Variants in RNF144A observed in about 807,000 individuals in gnomAD.
RNF144A encodes the protein E3 ubiquitin-protein ligase RNF144A.
RNF144A carries 11 observed loss-of-function variants against 38.7 expected under a neutral mutation model. That is an observed-to-expected ratio of 0.28 (90% CI 0.18 to 0.47). RNF144A has a LOEUF of 0.47. Ranked by LOEUF, RNF144A falls within the 20% of genes least tolerant of loss-of-function variation. RNF144A has a pLI of 0.99. For synonymous variants in RNF144A, 149 were observed against 143.9 expected (o/e 1.04, Z -0.25); for missense variants, 316 against 377.2 (o/e 0.84, Z 1.34).
At chr2:7,062,946 C>A (rs1674035949) in intron 6 of RNF144A, 1 of 152,108 alleles carries the variant, frequency 6.6e-6, no homozygotes, top group Non-Finnish European at 1.5e-5. Context: ...GAAGACAAAA[C>A]AATAAAAATT....
chr2:7,004,000 G>C (rs1353243618), intron 3 of RNF144A, among the ~76,000 whole-genome samples: 2 of 152,218 alleles, frequency 1.3e-5, no homozygotes, highest in African/African-American at 4.8e-5. Context: ...TAATGAATGG[G>C]GAACCTTGGG....
At chr2:6,924,249 T>A (rs13392756) in intron 1 of RNF144A, among the ~76,000 whole-genome samples, 1 of 152,022 alleles carries the variant, frequency 6.6e-6, no homozygotes, top group Non-Finnish European at 1.5e-5. Flanking sequence ...GTAGACACCA[T>A]GTAAGTGAGA....
chr2:7,026,657 A>C (rs1309491862), intron 7 of RNF144A, among the ~76,000 whole-genome samples: 3 of 152,208 alleles, frequency 2.0e-5, no homozygotes, highest in Non-Finnish European at 4.4e-5. Context: ...GATCATTTGG[A>C]GGCTGCATTA....
intron 2 of RNF144A, among the ~76,000 whole-genome samples, chr2:6,976,653 T>C (rs1572316366): frequency 2.0e-5 from 3 of 148,872 alleles, no homozygotes; most frequent in East Asian, 3.9e-4. Flanking sequence ...ATTTATTATA[T>C]ATACATTTCA....
intron 3 of RNF144A, among the ~76,000 whole-genome samples, chr2:7,009,753 G>A (rs577984841): frequency 1.8e-4 from 28 of 152,280 alleles, no homozygotes; most frequent in African/African-American, 4.6e-4. Flanking sequence ...GCAGGAGGTC[G>A]TGCCTCCAGC....
chr2:6,921,897 T>C (rs1321883708), intron 1 of RNF144A, among the ~76,000 whole-genome samples: 1 of 152,168 alleles, frequency 6.6e-6, no homozygotes, highest in Non-Finnish European at 1.5e-5. Flanking sequence ...ACAGGGAACT[T>C]AGGACCAGCA....
chr2:7,064,182 G>GTTGCA (rs1674101304), intron 6 of RNF144A, among the ~76,000 whole-genome samples: 1 of 152,056 alleles, frequency 6.6e-6, no homozygotes, highest in African/African-American at 2.4e-5. Flanking sequence ...TCTCAACACT[G>GTTGCA]TTGCATTGCA....
downstream of RNF144A, among the ~76,000 whole-genome samples, chr2:7,047,571 C>T (rs562168751): frequency 1.3e-5 from 2 of 152,278 alleles, no homozygotes; most frequent in Admixed American, 6.5e-5. Flanking sequence ...GTACCTTCCT[C>T]GGGGTCCCTC....
rs1572403498 is a variant in RNF144A, at chr2:7,014,541, C to T, written c.223C>T (p.His75Tyr). Residue 75 changes from histidine to tyrosine, a missense_variant, in exon 4 of 9, where the codon CAC (histidine) becomes TAC (tyrosine). Physicochemically the swap from His to Tyr is moderately conservative, Grantham distance 83. Coordinates refer to ENST00000320892, the MANE Select transcript of RNF144A (RefSeq NM_014746.6). ...CPDAACPKQG[H>Y]LQENEIECMV... ...AGATGCTGCCTGCCCTAAACAGGGC[C>T]ACCTACAGGAGAACGAGGCATGTGC... The T allele has an allele frequency of 1.2e-6, 2 of 1,601,788 alleles. No homozygotes were observed. Among genetic ancestry groups the T allele is most frequent in the Non-Finnish European group, 1.7e-6 (2 of 1,174,298 alleles).
intron 2 of RNF144A, among the ~76,000 whole-genome samples, chr2:6,971,606 G>A (rs3772003): frequency 0.28 from 42,637 of 152,020 alleles, 7,565 homozygotes; most frequent in Non-Finnish European, 0.4. Flanking sequence ...GGGGCAATCA[G>A]TTATTCTAGA....
At chr2:7,071,169 C>G (rs1038000094), downstream of RNF144A, among the ~76,000 whole-genome samples, 6 of 152,208 alleles carry the variant, frequency 3.9e-5, no homozygotes, top group Admixed American at 1.3e-4. Flanking sequence ...CTCCTGACCT[C>G]ATGTGCTCCA....
intron 8 of RNF144A, among the ~76,000 whole-genome samples, chr2:7,034,325 T>G (rs1187395767): frequency 6.6e-6 from 1 of 151,590 alleles, no homozygotes; most frequent in Admixed American, 6.6e-5. Context: ...CGATAGTGTT[T>G]GGGGAAACAG....
chr2:7,016,104 T>TAAAAAA (rs35418947), intron 5 of RNF144A, among the ~76,000 whole-genome samples: 1 of 115,136 alleles, frequency 8.7e-6, no homozygotes, highest in South Asian at 2.8e-4. Context: ...ACCCCGTCTC[T>TAAAAAA]AAAAAAAAAA....
At chr2:6,998,613 A>C (rs1669909308) in intron 3 of RNF144A, among the ~76,000 whole-genome samples, 1 of 152,232 alleles carries the variant, frequency 6.6e-6, no homozygotes. Flanking sequence ...GTTGCCATCC[A>C]AGAAATGTGC....
At chr2:7,054,462 A>G (rs1673649948) in intron 6 of RNF144A, among the ~76,000 whole-genome samples, 2 of 152,166 alleles carry the variant, frequency 1.3e-5, no homozygotes, top group South Asian at 4.1e-4. Context: ...GGGACACAAG[A>G]GCTACCCTAG....
intron 6 of RNF144A, among the ~76,000 whole-genome samples, chr2:7,066,802 A>G (rs570991864): frequency 7.2e-5 from 11 of 152,332 alleles, no homozygotes; most frequent in African/African-American, 1.4e-4. Context: ...TAGGAACCCC[A>G]GGATATTTTG....
At chr2:6,966,776 G>A (rs1351397001) in intron 2 of RNF144A, among the ~76,000 whole-genome samples, 3 of 152,190 alleles carry the variant, frequency 2.0e-5, no homozygotes, top group African/African-American at 7.2e-5. Context: ...AGGATAATTA[G>A]GAAGTCCATA....
At chr2:6,985,942 A>G (rs528094591) in intron 2 of RNF144A, among the ~76,000 whole-genome samples, 2 of 152,244 alleles carry the variant, frequency 1.3e-5, no homozygotes, top group South Asian at 4.1e-4. Flanking sequence ...CCAAAATGCT[A>G]GGATTACAGG....
chr2:6,936,958 G>A (rs569772705), intron 1 of RNF144A, among the ~76,000 whole-genome samples: 107 of 151,902 alleles, frequency 7.0e-4, no homozygotes, highest in African/African-American at 2.5e-3. Context: ...TATTCACCTT[G>A]TTGTCACTCC....
Sources: gnomAD v4.1 joint callset for allele counts (sites outside exome capture counted in the v4.1 genomes callset) on GRCh38, gnomAD v4.1.1 for gene constraint, MANE v1.5 for transcripts, NCBI Gene and HGNC (gene_info 2026-07-23, HGNC 2026-07-21) for gene names.